Variants in SBF2 observed in about 807,000 individuals in gnomAD.
SBF2 encodes myotubularin-related protein 13.
In SBF2, 112 loss-of-function variants were observed where a neutral mutation model predicts 225.2. The ratio of observed to expected loss-of-function variants is 0.50; its 90% confidence interval spans 0.43 to 0.58. SBF2 has a LOEUF of 0.58. SBF2 is among the 20% of genes least tolerant of loss of function. SBF2 has a pLI of 0.00. For synonymous variants in SBF2, 763 were observed against 773.3 expected (o/e 0.99, Z 0.22); for missense variants, 1,996 against 2,206.2 (o/e 0.90, Z 1.91).
chr11:10,018,686 C>G (rs1473369341), intron 6 of SBF2, among the ~76,000 whole-genome samples: 1 of 152,188 alleles, frequency 6.6e-6, no homozygotes, highest in African/African-American at 2.4e-5. Context: ...TATCATGTAG[C>G]AACTACTTTC....
At chr11:10,090,266 G>A (rs1951723503) in intron 2 of SBF2, among the ~76,000 whole-genome samples, 3 of 152,062 alleles carry the variant, frequency 2.0e-5, no homozygotes, top group Admixed American at 2.0e-4. Flanking sequence ...AGTGCTGATT[G>A]CATAACAATG....
chr11:10,205,768 G>C (rs537071829), intron 1 of SBF2, among the ~76,000 whole-genome samples: 1 of 151,974 alleles, frequency 6.6e-6, no homozygotes, highest in Non-Finnish European at 1.5e-5. Flanking sequence ...CAGCAAGAGA[G>C]ACCCCATCAC....
At chr11:9,814,534 G>T (rs1854357214) in intron 29 of SBF2, among the ~76,000 whole-genome samples, 1 of 152,058 alleles carries the variant, frequency 6.6e-6, no homozygotes, top group Non-Finnish European at 1.5e-5. Flanking sequence ...TAACTTATTT[G>T]CTTGGAATTG....
intron 1 of SBF2, among the ~76,000 whole-genome samples, chr11:10,245,584 G>A (rs925155963): frequency 6.6e-6 from 1 of 152,078 alleles, no homozygotes; most frequent in Admixed American, 6.6e-5. Context: ...AAGAAATTAT[G>A]GAGGCACCTC....
chr11:9,918,907 T>A (rs1166269997), intron 16 of SBF2, among the ~76,000 whole-genome samples: 4 of 151,958 alleles, frequency 2.6e-5, no homozygotes, highest in Non-Finnish European at 1.5e-5. Context: ...CCCGGCTAAT[T>A]TTTTCTATTT....
intron 19 of SBF2, among the ~76,000 whole-genome samples, chr11:9,854,351 T>A (rs1434511891): frequency 6.6e-6 from 1 of 152,156 alleles, no homozygotes; most frequent in Non-Finnish European, 1.5e-5. Context: ...ATGGAACAGA[T>A]GTGAAAGCTC....
chr11:9,883,134 A>G (rs575152284), intron 17 of SBF2, among the ~76,000 whole-genome samples: 1 of 152,172 alleles, frequency 6.6e-6, no homozygotes, highest in Admixed American at 6.5e-5. Flanking sequence ...ACTCTGTCTC[A>G]AAAAAACAAA....
chr11:10,021,346 G>C (rs1369065253), intron 6 of SBF2, among the ~76,000 whole-genome samples: 1 of 151,966 alleles, frequency 6.6e-6, no homozygotes, highest in East Asian at 1.9e-4. Context: ...CAGTTCCTGT[G>C]AATACAAACT....
intron 2 of SBF2, among the ~76,000 whole-genome samples, chr11:10,072,385 C>A (rs1164594405): frequency 2.0e-5 from 3 of 152,168 alleles, no homozygotes; most frequent in Non-Finnish European, 4.4e-5. Flanking sequence ...TCAGGCCCAA[C>A]AACCTACTCA....
At chr11:9,951,834 G>T (rs1865878871) in intron 16 of SBF2, among the ~76,000 whole-genome samples, 1 of 152,168 alleles carries the variant, frequency 6.6e-6, no homozygotes, top group Non-Finnish European at 1.5e-5. Context: ...ACAATGGTGG[G>T]GAGCAGCAAA....
intron 6 of SBF2, among the ~76,000 whole-genome samples, chr11:10,014,598 A>C (rs1298144505): frequency 6.6e-6 from 1 of 151,666 alleles, no homozygotes; most frequent in East Asian, 1.9e-4. Context: ...TTGTACAGTC[A>C]AATACTCATA....
At chr11:9,865,064 C>T (rs1392296214) in intron 17 of SBF2, among the ~76,000 whole-genome samples, 2 of 152,100 alleles carry the variant, frequency 1.3e-5, no homozygotes, top group South Asian at 2.1e-4. Context: ...GTGTGCATTA[C>T]CATGCCTGGC....
At chr11:9,790,105 G>T (rs184119138) in intron 34 of SBF2, among the ~76,000 whole-genome samples, 1 of 152,308 alleles carries the variant, frequency 6.6e-6, no homozygotes, top group East Asian at 1.9e-4. Flanking sequence ...TGTGCATGGT[G>T]GGGCAGTTGC....
intron 16 of SBF2, among the ~76,000 whole-genome samples, chr11:9,943,964 C>T (rs889275969): frequency 6.6e-6 from 1 of 152,182 alleles, no homozygotes; most frequent in Middle Eastern, 3.2e-3. Context: ...AGTTACAACA[C>T]CGTTTTCATT....
chr11:9,959,923 A>T (rs770861807), intron 16 of SBF2: 16 of 330,496 alleles, frequency 4.8e-5, no homozygotes, highest in Non-Finnish European at 7.7e-5. Context: ...GCCTTTTAAG[A>T]TACTTAAATC....
chr11:10,052,213 A>C (rs925361127), intron 2 of SBF2, among the ~76,000 whole-genome samples: 1 of 152,026 alleles, frequency 6.6e-6, no homozygotes, highest in Non-Finnish European at 1.5e-5. Flanking sequence ...ATCGACTGTC[A>C]TAACAGACTG....
intron 1 of SBF2, among the ~76,000 whole-genome samples, chr11:10,263,480 T>C (rs980474795): frequency 6.6e-6 from 1 of 152,132 alleles, no homozygotes; most frequent in Non-Finnish European, 1.5e-5. Flanking sequence ...ATGATAACTA[T>C]GGTTAATTCA....
chr11:9,970,200 C>T (rs568740877), intron 13 of SBF2, among the ~76,000 whole-genome samples: 1 of 151,912 alleles, frequency 6.6e-6, no homozygotes, highest in South Asian at 2.1e-4. Flanking sequence ...AATACTATCC[C>T]ATATATCCTA....
chr11:10,190,764 G>A (rs578054954), intron 2 of SBF2, among the ~76,000 whole-genome samples: 8 of 152,272 alleles, frequency 5.3e-5, no homozygotes, highest in Non-Finnish European at 1.2e-4. Context: ...AAATAATAAA[G>A]TTGGTCCCTA....
Sources: allele counts gnomAD v4.1 joint callset (sites outside exome capture counted in the v4.1 genomes callset), GRCh38; gene constraint gnomAD v4.1.1; transcripts MANE v1.5; gene names NCBI Gene and HGNC (gene_info 2026-07-23, HGNC 2026-07-21).